Variants in LRP8 observed in about 807,000 individuals in gnomAD.
LRP8 encodes low-density lipoprotein receptor-related protein 8.
In LRP8, 46 loss-of-function variants were observed where a neutral mutation model predicts 111.6. That is an observed-to-expected ratio of 0.41 (90% CI 0.33 to 0.53). LRP8 has a LOEUF of 0.53. LRP8 is among the 20% of genes least tolerant of loss of function. LRP8 has a pLI of 0.20. For missense variants in LRP8, 959 were observed against 1,297.4 expected (o/e 0.74, Z 4.01); for synonymous variants, 464 against 511.2 (o/e 0.91, Z 1.24).
intron 12 of LRP8, among the ~76,000 whole-genome samples, chr1:53,261,352 T>C (rs1189305530): frequency 6.6e-6 from 1 of 152,252 alleles, no homozygotes; most frequent in Non-Finnish European, 1.5e-5. Context: ...GGGCTGGACT[T>C]AGAGGTGGAG....
intron 2 of LRP8, among the ~76,000 whole-genome samples, chr1:53,325,521 G>C (rs974298076): frequency 6.6e-6 from 1 of 152,256 alleles, no homozygotes; most frequent in African/African-American, 2.4e-5. Flanking sequence ...GTGAACCCAA[G>C]TGGTCAGGTG....
intron 12 of LRP8, 45 bp from the exon 13 acceptor site, chr1:53,260,650 C>T (rs762337971): frequency 8.1e-6 from 13 of 1,597,608 alleles, no homozygotes; most frequent in Non-Finnish European, 1.1e-5. Flanking sequence ...GAGTGTAAAT[C>T]CATGACCTCA....
At chr1:53,295,754 G>GGTTTCCTCCAGCCTTCCAAGC (rs1553188139) in intron 2 of LRP8, among the ~76,000 whole-genome samples, 1 of 152,114 alleles carries the variant, frequency 6.6e-6, no homozygotes, top group Non-Finnish European at 1.5e-5. Flanking sequence ...TCTGATTGAC[G>GGTTTCCTCCAGCCTTCCAAGC]GTTTCCTCCA....
In LRP8 at chr1:53,266,034, T is replaced by C. The variant is rs952930939; in HGVS notation, c.1427+439A>G. Among the ~76,000 whole-genome samples, 12 of 152,012 alleles carry C rather than the reference T, an allele frequency of 7.9e-5. No individual in the cohort carries two copies. The highest frequency in any genetic ancestry group is 7.9e-4 in the Admixed American group (12 of 15,250). On this transcript the variant is annotated intron_variant, in intron 9 of 18. Transcript: ENST00000306052. This position sits in a 1 kb window ranked among gnomAD's most constrained non-coding sequence, Gnocchi z 5.0. ...CCCAGGTGGGTTCGGAGGCCTCCTC[T>C]GTACTTTCTCATGATCATCACAAAT...
In LRP8 at chr1:53,303,835, G is replaced by A. The variant is rs897858842; in HGVS notation, c.245-14146C>T. ...CTCTTGAATGCTCTCAGCGACAGGG[G>A]ACTCAGTCAGCCGTGCTGGCTGGAG... is the stretch of plus-strand genomic sequence containing the variant. On this transcript the variant is annotated intron_variant, in intron 2 of 18. Transcript: ENST00000306052. This position sits in a 1 kb window ranked among gnomAD's most constrained non-coding sequence, Gnocchi z 4.3. Among the ~76,000 whole-genome samples, 2 of 152,196 alleles carry A rather than the reference G, an allele frequency of 1.3e-5. No homozygotes were observed. The highest frequency in any genetic ancestry group is 4.8e-5 in the African/African-American group (2 of 41,452).
At position 53,275,626 on chromosome 1, in the gene LRP8, C is replaced by T. The variant is rs751706721; in HGVS notation, c.1006+5G>A. 5.6e-6 allele frequency: 9 copies of T among 1,613,772 alleles called. No individual in the cohort carries two copies. Among genetic ancestry groups the T allele is most frequent in the East Asian group, 4.5e-5 (2 of 44,886 alleles). ...GGATGTGTTCTGTGCCCTGACCACA[C>T]GCACCCTGTAGGCAGCCAGCTTCAT... On this transcript the variant is annotated splice_donor_5th_base_variant and intron_variant, in intron 6 of 18. Coordinates refer to ENST00000306052, the MANE Select transcript of LRP8 (RefSeq NM_004631.5). The surrounding 1 kb of genome is among the most constrained non-coding windows in gnomAD (Gnocchi z 4.4).
chr1:53,277,073 C>T lies in LRP8; in HGVS notation c.502G>A (p.Ala168Thr), dbSNP rs1225544276. 2.0e-6 allele frequency: 3 copies of T among 1,518,310 alleles called. No homozygotes were observed. The highest frequency in any genetic ancestry group is 2.6e-6 in the Non-Finnish European group (3 of 1,138,580). The allele number at this position is 1,518,310 out of a possible 1,614,324, so 94.1% of individuals were successfully genotyped here. The change falls in exon 5 of 19, where the codon GCC (alanine) becomes ACC (threonine). Residue 168 changes from alanine to threonine, a missense_variant. By Grantham distance (58) the Ala-to-Thr change is moderately conservative. Around this residue, in one of 3 missense-constraint regions of LRP8, gnomAD observed 819 missense variants for 1,097.6 expected, o/e 0.75. Coordinates refer to ENST00000306052, the MANE Select transcript of LRP8 (RefSeq NM_004631.5). ...ADEAGCATLC[A>T]PHEFQCGNRS... ...TTGCCGCACTGGAACTCGTGCGGGG[C>T]GCACACTGCGCGGGACAGAGAGCCG... is the stretch of plus-strand genomic sequence containing the variant.
intron 2 of LRP8, among the ~76,000 whole-genome samples, chr1:53,291,071 C>T (rs191349780): frequency 1.1e-4 from 16 of 152,304 alleles, no homozygotes; most frequent in African/African-American, 3.8e-4. Context: ...GGATTTGAGA[C>T]ACTGCTGTGC....
Position 53,275,538 on chromosome 1 carries a change from A to C in LRP8, c.1006+93T>G. The C allele has an allele frequency of 3.3e-6, 5 of 1,523,116 alleles. No individual in the cohort carries two copies. The highest frequency in any genetic ancestry group is 4.5e-6 in the Non-Finnish European group (5 of 1,121,478). 94.4% of individuals were successfully genotyped at this position (1,523,116 alleles called of 1,614,324 possible). A position where few individuals can be genotyped will look rare whatever the true frequency, so the allele number is the denominator to read the frequency against. ...GGGGGAAAATGCATCTTGGGGACCA[A>C]GGGGAAACTCCTCCCAACTCTGCCC... On this transcript the variant is annotated intron_variant, in intron 6 of 18. Transcript: ENST00000306052. This position sits in a 1 kb window ranked among gnomAD's most constrained non-coding sequence, Gnocchi z 4.4.
intron 15 of LRP8, among the ~76,000 whole-genome samples, chr1:53,255,881 C>G (rs144357415): frequency 5.3e-5 from 8 of 152,168 alleles, no homozygotes; most frequent in African/African-American, 1.9e-4. Flanking sequence ...AATAATTTAT[C>G]TAAAATGAAT....
intron 14 of LRP8, chr1:53,257,958 T>A: frequency 4.7e-6 from 1 of 213,116 alleles, no homozygotes; most frequent in Non-Finnish European, 9.5e-6. Flanking sequence ...TGTGTAGTGT[T>A]TGTTAAGTTC....
Position 53,275,483 on chromosome 1 carries a change from G to A in LRP8, c.1006+148C>T. 1 of 1,044,974 alleles carries A rather than the reference G, an allele frequency of 9.6e-7. No homozygotes were observed. The highest frequency in any genetic ancestry group is 1.4e-6 in the Non-Finnish European group (1 of 725,200). 64.7% of individuals were successfully genotyped at this position (1,044,974 alleles called of 1,614,324 possible). The stretch of plus-strand genomic sequence containing the variant: ...GCTACTAGGACCCCATGGAAAGGGA[G>A]CCAGGTGATTTAGGGGCAAGTGATG... On this transcript the variant is annotated intron_variant, in intron 6 of 18. Transcript: ENST00000306052. The surrounding 1 kb of genome is among the most constrained non-coding windows in gnomAD (Gnocchi z 4.4).
intron 8 of LRP8, among the ~76,000 whole-genome samples, chr1:53,268,777 T>A (rs537135162): frequency 6.6e-6 from 1 of 152,282 alleles, no homozygotes; most frequent in Middle Eastern, 3.4e-3. Flanking sequence ...TGCTGTAACT[T>A]TTTTTTCCAC....
In LRP8 at chr1:53,297,708, C is replaced by T. The variant is rs368563277; in HGVS notation, c.245-8019G>A. On this transcript the variant is annotated intron_variant, in intron 2 of 18. Coordinates refer to ENST00000306052, the MANE Select transcript of LRP8 (RefSeq NM_004631.5). Reference sequence around the variant, plus strand: ...GGTGAGGGCGGCTTTGCTTTCAAATCGGGAAGAGTTTCCCTCAAAATTTTC... The same window carrying T: ...GGTGAGGGCGGCTTTGCTTTCAAATTGGGAAGAGTTTCCCTCAAAATTTTC... Among the ~76,000 whole-genome samples the T allele has an allele frequency of 1.8e-4, 28 of 152,280 alleles. No individual in the cohort carries two copies. The South Asian group carries it at 1.9e-3, about 10-fold the overall frequency.
In LRP8 at chr1:53,249,598, C is replaced by G. The variant is rs1557741920; in HGVS notation, c.2677-42G>C. ...ACTGTGGATGACCTCTGAGGTCACA[C>G]TCAGCCCCCTGACTGTGCTGTATAA... On this transcript the variant is annotated intron_variant, in intron 17 of 18. Transcript: ENST00000306052. The surrounding 1 kb of genome is among the most constrained non-coding windows in gnomAD (Gnocchi z 4.1). The G allele has an allele frequency of 6.5e-7, 1 of 1,533,444 alleles. No individual in the cohort carries two copies. The highest frequency in any genetic ancestry group is 8.8e-7 in the Non-Finnish European group (1 of 1,139,506). The allele number at this position is 1,533,444 out of a possible 1,614,324, so 95.0% of individuals were successfully genotyped here.
At chr1:53,295,879 G>A (rs1039994078) in intron 2 of LRP8, among the ~76,000 whole-genome samples, 3 of 152,204 alleles carry the variant, frequency 2.0e-5, no homozygotes, top group African/African-American at 7.2e-5. Flanking sequence ...TGGGGCACAA[G>A]CCTCTCATCC....
chr1:53,253,145 A>C (rs1645952228), intron 16 of LRP8, among the ~76,000 whole-genome samples: 1 of 152,176 alleles, frequency 6.6e-6, no homozygotes, highest in Non-Finnish European at 1.5e-5. Flanking sequence ...TAATACTAAA[A>C]AAAAGTTTAA....
chr1:53,264,020 T>G, intron 10 of LRP8, 149 bp downstream of exon 10: 1 of 732,168 alleles, frequency 1.4e-6, no homozygotes, highest in Non-Finnish European at 2.2e-6. Flanking sequence ...CCAGAGAACC[T>G]TGGTTGGGGA....
intron 2 of LRP8, among the ~76,000 whole-genome samples, chr1:53,318,832 G>A (rs1333700929): frequency 6.6e-6 from 1 of 152,132 alleles, no homozygotes; most frequent in Non-Finnish European, 1.5e-5. Context: ...CTCACATGCA[G>A]AGAAAAATCT....
Sources: gnomAD v4.1 joint callset for allele counts (sites outside exome capture counted in the v4.1 genomes callset) on GRCh38, gnomAD v4.1.1 for gene constraint, gnomAD v4.1.1 regional missense constraint, Gnocchi (gnomAD v3.1) non-coding constraint, MANE v1.5 for transcripts, NCBI Gene and HGNC (gene_info 2026-07-23, HGNC 2026-07-21) for gene names.